The following CLPX variants were observed in gnomAD, a reference collection of about 807,000 sequenced individuals.
CLPX encodes ATP-dependent clpX-like chaperone, mitochondrial.
In CLPX, 34 loss-of-function variants were observed where a neutral mutation model predicts 76.4. That is an observed-to-expected ratio of 0.45 (90% CI 0.34 to 0.59). CLPX has a LOEUF of 0.59. Among genes scored for constraint, CLPX ranks in the 20% least tolerant of loss-of-function variants. CLPX has a pLI of 0.01. For missense variants in CLPX, 613 were observed against 757.0 expected (o/e 0.81, Z 2.23); for synonymous variants, 248 against 270.9 (o/e 0.92, Z 0.83).
In CLPX at chr15:65,158,623, T is replaced by A; in HGVS notation, c.844A>T (p.Ile282Leu). The A allele has an allele frequency of 6.2e-7, 1 of 1,613,736 alleles. No homozygotes were observed. The change falls in exon 7 of 14, where the codon ATA (isoleucine) becomes TTA (leucine). Residue 282 changes from isoleucine (I) to leucine (L), a missense_variant. Around this residue, in one of 2 missense-constraint regions of CLPX, gnomAD observed 450 missense variants for 638.6 expected, o/e 0.70. Transcript: ENST00000300107. ...GEVLDSSHDD[I>L]KLEKSNILLL... is the part of the protein sequence containing the mutation. ...AAAATATTACTTTTTTCAAGTTTTA[T>A]GTCATCATGAGAAGAATCCAATACT...
Position 65,158,721 on chromosome 15 carries a change from T to C in CLPX, c.746A>G (p.His249Arg), listed in dbSNP as rs1176325125. 1 of 1,604,420 alleles carries C rather than the reference T, an allele frequency of 6.2e-7. No individual in the cohort carries two copies. Among genetic ancestry groups the C allele is most frequent in the Non-Finnish European group, 8.5e-7 (1 of 1,176,034 alleles). The stretch of plus-strand genomic sequence containing the variant: ...CATTGATGCTCCTAAAGCATTACCA[T>C]GTGGGCTAATTCCAGCAATCTGAAG... ...KLLQIAGISP[H>R]GNALGASMQQ... Residue 249 changes from histidine to arginine, a missense_variant, in exon 7 of 14, where the codon CAT becomes CGT. Coordinates refer to ENST00000300107, the MANE Select transcript of CLPX (RefSeq NM_006660.5).
In CLPX at chr15:65,156,490, T is replaced by C. The variant is rs190187297; in HGVS notation, c.1146+354A>G. Among the ~76,000 whole-genome samples, 53 of 152,272 alleles carry C rather than the reference T, an allele frequency of 3.5e-4. No homozygotes were observed. The East Asian group carries it at 9.6e-3, about 28-fold the overall frequency. ...ATTTTATACCTATCTTCTAAATAAG[T>C]GGAAGGAATAAGAAGCATGTACATA... On this transcript the variant is annotated intron_variant, in intron 9 of 13. Transcript: ENST00000300107.
intron 10 of CLPX, 97 bp from the exon 11 acceptor site, chr15:65,155,178 C>T (rs911394920): frequency 9.5e-7 from 1 of 1,055,532 alleles, no homozygotes; most frequent in African/African-American, 1.6e-5. Context: ...TGTAACAACT[C>T]TATGAAGAAG....
chr15:65,162,797 A>C (rs1452227916), intron 5 of CLPX, 152 bp from the exon 6 acceptor site: 2 of 544,056 alleles, frequency 3.7e-6, no homozygotes, highest in Non-Finnish European at 6.5e-6. Context: ...TTCTATATTA[A>C]AACAAAACCA....
intron 1 of CLPX, among the ~76,000 whole-genome samples, chr15:65,180,552 A>C (rs1337430137): frequency 6.6e-6 from 1 of 152,120 alleles, no homozygotes; most frequent in East Asian, 1.9e-4. Flanking sequence ...CTATATTCTT[A>C]TTATTTCTAC....
chr15:65,173,752 C>T (rs2088046530), intron 3 of CLPX, among the ~76,000 whole-genome samples: 1 of 152,100 alleles, frequency 6.6e-6, no homozygotes, highest in Non-Finnish European at 1.5e-5. Flanking sequence ...TAAAAACATG[C>T]TAAAGAAAAT....
chr15:65,165,830 T>C (rs1016709543), intron 4 of CLPX, among the ~76,000 whole-genome samples: 1 of 152,244 alleles, frequency 6.6e-6, no homozygotes, highest in Non-Finnish European at 1.5e-5. Context: ...TAAACATCTT[T>C]ATTCCTTACA....
At chr15:65,166,488 A>AT in intron 4 of CLPX, 143 bp downstream of exon 4, 1 of 849,328 alleles carries the variant, frequency 1.2e-6, no homozygotes, top group Admixed American at 2.7e-5. Flanking sequence ...AGGCAATAAC[A>AT]ATTTAGCCAC....
At chr15:65,185,024 C>G in intron 1 of CLPX, 51 bp downstream of exon 1, 6 of 1,454,042 alleles carry the variant, frequency 4.1e-6, no homozygotes, top group Non-Finnish European at 5.7e-6. Context: ...ATTGGCCAGT[C>G]CACCCCCCCC....
chr15:65,159,529 G>A (rs2087827772), intron 6 of CLPX, among the ~76,000 whole-genome samples: 3 of 152,112 alleles, frequency 2.0e-5, no homozygotes, highest in Non-Finnish European at 4.4e-5. Context: ...AGAATTGCTT[G>A]AACCCGGGAG....
chr15:65,158,553 A>C, intron 7 of CLPX, 22 bp downstream of exon 7: 1 of 1,587,812 alleles, frequency 6.3e-7, no homozygotes, highest in Non-Finnish European at 8.6e-7. Flanking sequence ...TGAGTAGTAA[A>C]TTTTCTCAGC....
At chr15:65,154,606 C>T (rs1033018687) in intron 11 of CLPX, 176 bp downstream of exon 11, 14 of 558,874 alleles carry the variant, frequency 2.5e-5, no homozygotes, top group Middle Eastern at 4.7e-4. Context: ...ATAAAGACAA[C>T]TCCTAAATTC....
intron 3 of CLPX, among the ~76,000 whole-genome samples, chr15:65,167,683 C>A (rs1314403291): frequency 1.3e-5 from 2 of 150,356 alleles, no homozygotes; most frequent in Non-Finnish European, 3.0e-5. Flanking sequence ...AGAAACCAGC[C>A]TGGCCAACAT....
intron 3 of CLPX, among the ~76,000 whole-genome samples, chr15:65,174,006 C>T (rs892360582): frequency 2.6e-5 from 4 of 152,158 alleles, no homozygotes; most frequent in African/African-American, 4.8e-5. Context: ...GACAAAGTCT[C>T]GCTCTGTCGC....
intron 3 of CLPX, among the ~76,000 whole-genome samples, chr15:65,172,248 C>T (rs1357002343): frequency 2.0e-5 from 3 of 152,204 alleles, no homozygotes; most frequent in African/African-American, 7.2e-5. Context: ...CAGGCATGAA[C>T]CACCATGCCT....
At chr15:65,170,822 CTTTTTTTT>C (rs749248279) in intron 3 of CLPX, among the ~76,000 whole-genome samples, 6 of 118,576 alleles carry the variant, frequency 5.1e-5, no homozygotes, top group African/African-American at 1.2e-4. Flanking sequence ...TTCTGTTCTT[CTTTTTTTT>C]TTTTTTTTTT....
Position 65,150,411 on chromosome 15 carries a change from T to C in CLPX, c.*412A>G, listed in dbSNP as rs1362758061. 2 of 153,236 alleles carry C rather than the reference T, an allele frequency of 1.3e-5. No homozygotes were observed. Among genetic ancestry groups the C allele is most frequent in the African/African-American group, 4.8e-5 (2 of 41,480 alleles). The allele number at this position is 153,236 out of a possible 1,614,324, so 9.5% of individuals were successfully genotyped here. On this transcript the variant is annotated 3_prime_UTR_variant, in exon 14 of 14. Coordinates refer to ENST00000300107, the MANE Select transcript of CLPX (RefSeq NM_006660.5). ...AAATTCCAATATTTTCAGAAACACA[T>C]GTGGGTAAAAAAGGTAACACTAAAG...
Position 65,180,042 on chromosome 15 carries a change from A to T in CLPX, c.240+2T>A. ...CAGATGCCAATAAGATAAAATAATTACCTTATTTCCATCTCCAGAACCATC... is the reference window on the plus strand; with the variant it reads ...CAGATGCCAATAAGATAAAATAATTTCCTTATTTCCATCTCCAGAACCATC... On this transcript the variant is annotated splice_donor_variant, in intron 2 of 13. Coordinates refer to ENST00000300107, the MANE Select transcript of CLPX (RefSeq NM_006660.5). LOFTEE classifies it high-confidence loss of function. The T allele has an allele frequency of 6.3e-7, 1 of 1,594,686 alleles. No individual in the cohort carries two copies.
chr15:65,169,638 C>G (rs1027424949), intron 3 of CLPX, among the ~76,000 whole-genome samples: 6 of 152,064 alleles, frequency 3.9e-5, no homozygotes, highest in Non-Finnish European at 8.8e-5. Context: ...ACTGCTTGAA[C>G]CTGGGAGGCA....
Sources: allele counts gnomAD v4.1 joint callset (sites outside exome capture counted in the v4.1 genomes callset), GRCh38; gene constraint gnomAD v4.1.1; regional missense constraint gnomAD v4.1.1; transcripts MANE v1.5; gene names NCBI Gene and HGNC (gene_info 2026-07-23, HGNC 2026-07-21).